The following LRRC4C variants were observed in gnomAD, a reference collection of about 807,000 sequenced individuals.
LRRC4C encodes the protein leucine rich repeat containing 4C, also known as leucine-rich repeat-containing protein 4C.
In LRRC4C, 5 loss-of-function variants were observed where a neutral mutation model predicts 33.6. The observed-to-expected ratio is 0.15, with a 90% CI of 0.08 to 0.31. The LOEUF is 0.31. LRRC4C is among the 10% of genes least tolerant of loss of function. The probability of loss-of-function intolerance (pLI) is 1.00; values close to 1 mark genes in which losing one functional copy is unlikely to be tolerated. For missense variants in LRRC4C, 560 were observed against 796.7 expected, an observed-to-expected ratio of 0.70 and a Z score of 3.58; for synonymous variants, 329 against 302.0, an observed-to-expected ratio of 1.09 and a Z score of -0.93.
At chr11:40,159,187 A>G (rs910181846) in intron 5 of LRRC4C, among the ~76,000 whole-genome samples, 1 of 152,178 alleles carries the variant, frequency 6.6e-6, no homozygotes, top group African/African-American at 2.4e-5. Context: ...TGCTTGGAGA[A>G]TCCTTATCAG....
chr11:41,444,398 G>A (rs1955751827), intron 1 of LRRC4C, among the ~76,000 whole-genome samples: 1 of 152,164 alleles, frequency 6.6e-6, no homozygotes, highest in Non-Finnish European at 1.5e-5. Context: ...TGTATGGAAG[G>A]ATGTGTATAT....
At chr11:40,192,286 C>T (rs1037240846) in intron 5 of LRRC4C, among the ~76,000 whole-genome samples, 6 of 151,896 alleles carry the variant, frequency 4.0e-5, no homozygotes, top group Non-Finnish European at 8.8e-5. Context: ...CCCACTGGGA[C>T]GGGTTAGATA....
In LRRC4C at chr11:40,686,491, CG is replaced by C. The variant is rs1944962339; in HGVS notation, c.-406-38214del. 4.0e-5 allele frequency among the ~76,000 whole-genome samples: 6 copies of C among 151,898 alleles called. No individual in the cohort carries two copies. The South Asian group carries it at 1.3e-3, about 32-fold the overall frequency. On this transcript the variant is annotated intron_variant, in intron 2 of 6. Coordinates refer to ENST00000528697, the MANE Select transcript of LRRC4C (RefSeq NM_001258419.2). ...CCCGAGAGATACTCACTAACTTCACCGGGGGCGGCCCAGACGTTGAGTATAC... is the reference window on the plus strand; with the variant it reads ...CCCGAGAGATACTCACTAACTTCACCGGGGCGGCCCAGACGTTGAGTATAC...
Position 41,405,329 on chromosome 11 carries a change from C to G in LRRC4C, c.-496+54102G>C, listed in dbSNP as rs372859077. ...AAGCAACTAAAATAAGTATTCCCAT[C>G]CAATTTTCTTGCTTAAACCCTTTCC... On this transcript the variant is annotated intron_variant, in intron 1 of 6. Transcript: ENST00000528697. Among the ~76,000 whole-genome samples, 46 of 152,168 alleles carry G rather than the reference C, an allele frequency of 3.0e-4. 1 individual carries two copies. In the South Asian group the frequency reaches 8.7e-3, roughly 29 times the overall value.
intron 3 of LRRC4C, among the ~76,000 whole-genome samples, chr11:40,336,902 G>A (rs1264183823): frequency 2.8e-5 from 4 of 143,584 alleles, no homozygotes; most frequent in East Asian, 4.2e-4. Context: ...GCGTGAACCC[G>A]GAAGGCGGAG....
At chr11:40,540,217 C>A (rs1488481431) in intron 3 of LRRC4C, among the ~76,000 whole-genome samples, 1 of 152,124 alleles carries the variant, frequency 6.6e-6, no homozygotes, top group Non-Finnish European at 1.5e-5. Context: ...TCCCTCTTAG[C>A]TTTTTCTAAG....
At chr11:40,282,293 C>T (rs1943531782) in intron 4 of LRRC4C, among the ~76,000 whole-genome samples, 1 of 151,930 alleles carries the variant, frequency 6.6e-6, no homozygotes, top group East Asian at 1.9e-4. Flanking sequence ...TGCAGTAAGC[C>T]GAGATCGCAC....
At chr11:40,740,032 T>C (rs181018207) in intron 2 of LRRC4C, among the ~76,000 whole-genome samples, 1 of 152,058 alleles carries the variant, frequency 6.6e-6, no homozygotes, top group African/African-American at 2.4e-5. Context: ...ATATGTGTAA[T>C]ATAAATATTA....
chr11:40,139,551 A>C (rs926189853), intron 6 of LRRC4C, among the ~76,000 whole-genome samples: 6 of 152,008 alleles, frequency 3.9e-5, no homozygotes, highest in Non-Finnish European at 7.4e-5. Context: ...CTTCAGGCGA[A>C]CCCCAAATTA....
rs1040366955 is a variant in LRRC4C at position 40,198,632 on chromosome 11, G to A, written c.-96+42887C>T. 2.0e-5 allele frequency among the ~76,000 whole-genome samples: 3 copies of A among 152,254 alleles called. No individual in the cohort carries two copies. In the East Asian group the frequency reaches 5.8e-4, roughly 29 times the overall value. On this transcript the variant is annotated intron_variant, in intron 5 of 6. Transcript: ENST00000528697. ...CAATTCTAGGTTAAGATTTATGCCA[G>A]CTCTTATTTAGCATAGGCACCCATC... is the stretch of plus-strand genomic sequence containing the variant.
chr11:40,974,305 C>A (rs548746193), intron 1 of LRRC4C, among the ~76,000 whole-genome samples: 8 of 152,228 alleles, frequency 5.3e-5, no homozygotes, highest in African/African-American at 1.9e-4. Context: ...TGAAGATTTT[C>A]TTGGCCTCCT....
chr11:40,802,792 G>T (rs1029406771), intron 2 of LRRC4C, among the ~76,000 whole-genome samples: 1 of 152,138 alleles, frequency 6.6e-6, no homozygotes, highest in African/African-American at 2.4e-5. Flanking sequence ...AAGAAGAAAC[G>T]ATCAAAGTGA....
At chr11:40,927,396 A>C (rs112925748) in intron 2 of LRRC4C, among the ~76,000 whole-genome samples, 1,523 of 151,304 alleles carry the variant, frequency 0.01, 38 homozygotes, top group African/African-American at 0.035. Flanking sequence ...AAAAAAAGGA[A>C]AAAAAAAAGA....
intron 2 of LRRC4C, among the ~76,000 whole-genome samples, chr11:40,800,787 A>G (rs1951010208): frequency 6.6e-6 from 1 of 152,156 alleles, no homozygotes; most frequent in Admixed American, 6.5e-5. Flanking sequence ...AGAAAAAAAA[A>G]GCTTTTTCAG....
At chr11:41,050,382 C>A (rs1024601054) in intron 1 of LRRC4C, among the ~76,000 whole-genome samples, 4 of 152,146 alleles carry the variant, frequency 2.6e-5, no homozygotes, top group African/African-American at 9.7e-5. Flanking sequence ...ACCCATCCAC[C>A]TGGCATCCAC....
At chr11:40,464,002 A>C (rs1952534162) in intron 3 of LRRC4C, among the ~76,000 whole-genome samples, 1 of 152,036 alleles carries the variant, frequency 6.6e-6, no homozygotes, top group Non-Finnish European at 1.5e-5. Context: ...AATCATCCTG[A>C]TACCAAATCC....
In LRRC4C at chr11:40,543,561, G is replaced by T. The variant is rs1418677975; in HGVS notation, c.-270+104581C>A. Among the ~76,000 whole-genome samples, 5 of 152,088 alleles carry T rather than the reference G, an allele frequency of 3.3e-5. No homozygotes were observed. In the East Asian group the frequency reaches 9.6e-4, roughly 29 times the overall value. On this transcript the variant is annotated intron_variant, in intron 3 of 6. Transcript: ENST00000528697. ...TATTCACCGAGCCTGAATAAAGGGG[G>T]TCGTAGAGCATTTCCTGAAAAGGCA...
chr11:40,773,625 T>C (rs1308996009), intron 2 of LRRC4C, among the ~76,000 whole-genome samples: 1 of 151,936 alleles, frequency 6.6e-6, no homozygotes, highest in East Asian at 1.9e-4. Context: ...AAAAAACATT[T>C]TGAGAGACAG....
At chr11:40,212,782 C>T (rs904684943) in intron 5 of LRRC4C, among the ~76,000 whole-genome samples, 4 of 152,058 alleles carry the variant, frequency 2.6e-5, no homozygotes, top group East Asian at 1.9e-4. Context: ...TATTCAATAC[C>T]GACGTCAAGA....
Sources: gnomAD v4.1 joint callset for allele counts (sites outside exome capture counted in the v4.1 genomes callset) on GRCh38, gnomAD v4.1.1 for gene constraint, MANE v1.5 for transcripts, NCBI Gene and HGNC (gene_info 2026-07-23, HGNC 2026-07-21) for gene names.